Variants in STK3 observed in about 807,000 individuals in gnomAD.
STK3 encodes the protein serine/threonine-protein kinase 3.
Under a neutral mutation model 58.0 loss-of-function variants are expected in STK3, and 41 were observed. The ratio of observed to expected loss-of-function variants is 0.71; its 90% CI spans 0.55 to 0.92. The LOEUF (loss-of-function observed/expected upper bound fraction) is 0.92, where lower values mean the gene tolerates loss of function less well. STK3 is among the 40% of genes least tolerant of loss of function. STK3 has a pLI of 0.00. For synonymous variants in STK3, 170 were observed against 191.0 expected, an observed-to-expected ratio of 0.89 and a Z score of 0.91; for missense variants, 479 against 602.7, an observed-to-expected ratio of 0.79 and a Z score of 2.15.
chr8:98,446,349 T>C (rs1818948632), intron 1 of STK3, among the ~76,000 whole-genome samples: 1 of 152,216 alleles, frequency 6.6e-6, no homozygotes, highest in Admixed American at 6.5e-5. Context: ...CACACTTAGC[T>C]TAGACACTGG....
intron 10 of STK3, among the ~76,000 whole-genome samples, chr8:98,510,932 C>T (rs1385388426): frequency 6.6e-6 from 1 of 151,970 alleles, no homozygotes; most frequent in African/African-American, 2.4e-5. Flanking sequence ...GTGAAAGGCA[C>T]ATAGAAGTCA....
intron 4 of STK3, among the ~76,000 whole-genome samples, chr8:98,742,506 A>G (rs1007054364): frequency 8.1e-6 from 1 of 122,966 alleles, no homozygotes; most frequent in Non-Finnish European, 1.7e-5. Flanking sequence ...ATAGATGCAG[A>G]AAAGGCCTTT....
rs1400229677 is a variant in STK3 at position 98,795,106 on chromosome 8, ATATAT to A, written c.27-20292_27-20288del. On this transcript the variant is annotated intron_variant, in intron 1 of 10. Transcript: ENST00000419617. ...AAAAAAAAAAAAAAAAAAAAAAAATATATATATATATATATATATATATACATACT... is the reference window on the plus strand; with the variant it reads ...AAAAAAAAAAAAAAAAAAAAAAAATAATATATATATATATATATACATACT... 2.4e-3 allele frequency among the ~76,000 whole-genome samples: 105 copies of A among 43,658 alleles called. 3 individuals carry two copies. Among genetic ancestry groups the A allele is most frequent in the African/African-American group, 5.1e-3 (57 of 11,222 alleles). The allele number at this position is 43,658 out of a possible 152,430, so 28.6% of individuals were successfully genotyped here. A position where few individuals can be genotyped will look rare whatever the true frequency, so the allele number is the denominator to read the frequency against.
chr8:98,942,044 G>A (rs1840452921), intron 1 of STK3, among the ~76,000 whole-genome samples: 1 of 152,236 alleles, frequency 6.6e-6, no homozygotes, highest in African/African-American at 2.4e-5. Flanking sequence ...CGTGGGCCGC[G>A]TGGCCTTTCT....
intron 9 of STK3, among the ~76,000 whole-genome samples, chr8:98,537,158 G>T (rs1424931250): frequency 6.6e-6 from 1 of 152,122 alleles, no homozygotes; most frequent in African/African-American, 2.4e-5. Flanking sequence ...TATTAACCAA[G>T]ATATGTTTAC....
At chr8:98,397,078 C>T (rs73273913), downstream of STK3, among the ~76,000 whole-genome samples, 704 of 152,302 alleles carry the variant, frequency 4.6e-3, 5 homozygotes, top group African/African-American at 0.016. Context: ...ACACTTTTAA[C>T]CAGAGTGCAA....
intron 2 of STK3, among the ~76,000 whole-genome samples, chr8:98,771,235 T>C (rs1420994796): frequency 6.6e-6 from 1 of 152,242 alleles, no homozygotes; most frequent in Non-Finnish European, 1.5e-5. Flanking sequence ...CTTAGCATAA[T>C]ATTTTGTAGG....
chr8:98,825,735 G>A (rs1270513487), upstream of STK3: 8 of 801,466 alleles, frequency 1.0e-5, no homozygotes, highest in South Asian at 1.7e-4. Flanking sequence ...CCCGCCCCCG[G>A]CCGCCCCGCC....
chr8:98,839,220 C>T (rs926969021), intron 3 of STK3, among the ~76,000 whole-genome samples: 3 of 151,878 alleles, frequency 2.0e-5, no homozygotes, highest in African/African-American at 4.8e-5. Context: ...CGAATTTTTA[C>T]AATTTTTTGT....
At chr8:98,518,631 C>T (rs1825123177) in intron 10 of STK3, among the ~76,000 whole-genome samples, 1 of 152,096 alleles carries the variant, frequency 6.6e-6, no homozygotes, top group Non-Finnish European at 1.5e-5. Flanking sequence ...ATCTTAAATG[C>T]CTCAGCAGAC....
intron 1 of STK3, among the ~76,000 whole-genome samples, chr8:98,888,109 A>G (rs186319812): frequency 5.0e-4 from 76 of 152,284 alleles, no homozygotes; most frequent in African/African-American, 1.5e-3. Flanking sequence ...ACTTGAGGTC[A>G]GGAGATCGAG....
chr8:98,573,906 G>C (rs752248451), intron 8 of STK3, among the ~76,000 whole-genome samples: 2 of 151,984 alleles, frequency 1.3e-5, no homozygotes, highest in Admixed American at 6.6e-5. Context: ...CTCTTCAAAG[G>C]GCAGCAGGAG....
At chr8:98,435,644 A>G (rs1818459421) in intron 2 of STK3, among the ~76,000 whole-genome samples, 1 of 151,844 alleles carries the variant, frequency 6.6e-6, no homozygotes, top group South Asian at 2.1e-4. Context: ...ATGTGGGATG[A>G]GGGAGAGGGA....
intron 6 of STK3, among the ~76,000 whole-genome samples, chr8:98,632,698 G>A (rs1819350210): frequency 6.6e-6 from 1 of 152,106 alleles, no homozygotes. Flanking sequence ...TGCATTATGA[G>A]TATAAAATGA....
chr8:98,533,291 T>C (rs1322018633), intron 9 of STK3, among the ~76,000 whole-genome samples: 2 of 152,234 alleles, frequency 1.3e-5, no homozygotes, highest in African/African-American at 4.8e-5. Flanking sequence ...CAAGTAATCT[T>C]ATTTTTTAAT....
chr8:98,674,510 T>C (rs1013401852), intron 6 of STK3, among the ~76,000 whole-genome samples: 4 of 152,100 alleles, frequency 2.6e-5, no homozygotes, highest in African/African-American at 9.7e-5. Flanking sequence ...GAGAAATCAA[T>C]GAATTCATTT....
intron 3 of STK3, among the ~76,000 whole-genome samples, chr8:98,403,090 G>T (rs1420924699): frequency 1.3e-5 from 2 of 152,248 alleles, no homozygotes; most frequent in African/African-American, 2.4e-5. Flanking sequence ...GAGGCCAAGG[G>T]CAGTGGACTC....
chr8:98,356,959 G>C, the STK3 span, among the ~76,000 whole-genome samples: 5 of 152,316 alleles, frequency 3.3e-5, no homozygotes, highest in East Asian at 7.7e-4. Flanking sequence ...TAGAATTAAA[G>C]TATCTGGAAC....
downstream of STK3, among the ~76,000 whole-genome samples, chr8:98,452,837 T>C (rs999965840): frequency 4.6e-5 from 7 of 150,832 alleles, no homozygotes; most frequent in Non-Finnish European, 8.8e-5. Flanking sequence ...CTCAGCTCAC[T>C]GCAACCTCCG....
Sources: allele counts gnomAD v4.1 joint callset (sites outside exome capture counted in the v4.1 genomes callset), GRCh38; gene constraint gnomAD v4.1.1; transcripts MANE v1.5; gene names NCBI Gene and HGNC (gene_info 2026-07-23, HGNC 2026-07-21).